Variants in DHX30 observed in about 807,000 individuals in gnomAD.
DHX30 encodes the protein DExH-box helicase 30.
In DHX30, 4 loss-of-function variants were observed where a neutral mutation model predicts 116.9. That is an observed-to-expected ratio of 0.03 (90% CI 0.02 to 0.08). The LOEUF (loss-of-function observed/expected upper bound fraction) is 0.08, where lower values mean the gene tolerates loss of function less well. Among genes scored for constraint, DHX30 ranks in the 10% least tolerant of loss-of-function variants. The pLI, the probability that DHX30 is intolerant of heterozygous loss-of-function variation, is 1.00. For synonymous variants in DHX30, 697 were observed against 651.7 expected, an observed-to-expected ratio of 1.07 and a Z score of -1.06; for missense variants, 871 against 1,595.1, an observed-to-expected ratio of 0.55 and a Z score of 7.73.
chr3:47,841,782 G>T, intron 8 of DHX30, 45 bp downstream of exon 8: 1 of 1,613,850 alleles, frequency 6.2e-7, no homozygotes, highest in African/African-American at 1.3e-5. Flanking sequence ...CGTTTACTTG[G>T]TCATGTCTGG....
chr3:47,804,025 A>T (rs2035414622), intron 1 of DHX30, among the ~76,000 whole-genome samples: 1 of 152,218 alleles, frequency 6.6e-6, no homozygotes, highest in East Asian at 1.9e-4. Context: ...GTTGCAGCTT[A>T]TGGGCCAGAG....
In DHX30 at chr3:47,850,187, C is replaced by T; in HGVS notation, c.*67C>T. Reference sequence around the variant, plus strand: ...ATTTAAAATAAAGTTCTATTTATCCCTTGTGACCACTGCTGTCCACTAGGG... The same window carrying T: ...ATTTAAAATAAAGTTCTATTTATCCTTTGTGACCACTGCTGTCCACTAGGG... On this transcript the variant is annotated 3_prime_UTR_variant, in exon 22 of 22. Coordinates refer to ENST00000445061, the MANE Select transcript of DHX30 (RefSeq NM_138615.3). 1.4e-6 allele frequency: 2 copies of T among 1,476,744 alleles called. No individual in the cohort carries two copies. Among genetic ancestry groups the T allele is most frequent in the Non-Finnish European group, 9.0e-7 (1 of 1,112,408 alleles). The allele number at this position is 1,476,744 out of a possible 1,614,324, so 91.5% of individuals were successfully genotyped here.
Position 47,828,117 on chromosome 3 carries a change from C to T in DHX30, c.255+640C>T, listed in dbSNP as rs964778344. Among the ~76,000 whole-genome samples, 10 of 151,902 alleles carry T rather than the reference C, an allele frequency of 6.6e-5. No individual in the cohort carries two copies. In the South Asian group the frequency reaches 2.1e-3, roughly 32 times the overall value. On this transcript the variant is annotated intron_variant, in intron 5 of 21. Transcript: ENST00000445061. ...TCAAGGGATCCTCCCTCCTCAGCCT[C>T]CCAAAATTGTGGGAGACACCACTGC...
chr3:47,847,751 C>T lies in DHX30; in HGVS notation c.2111-30C>T, dbSNP rs751565823. 1 of 1,603,876 alleles carries T rather than the reference C, an allele frequency of 6.2e-7. No homozygotes were observed. The highest frequency in any genetic ancestry group is 1.1e-5 in the South Asian group (1 of 90,078). On this transcript the variant is annotated intron_variant, in intron 13 of 21. Transcript: ENST00000445061. This position sits in a 1 kb window ranked among gnomAD's most constrained non-coding sequence, Gnocchi z 5.5. ...GGGGGGAATTCTGGTGGAAGCAGTG[C>T]CCATAACTGGTGTGTGTCTTGCCCA...
intron 9 of DHX30, among the ~76,000 whole-genome samples, chr3:47,843,681 A>G (rs1036828602): frequency 6.6e-6 from 1 of 152,160 alleles, no homozygotes; most frequent in Admixed American, 6.5e-5. Context: ...GGATCAAGGT[A>G]GAGACAGTGT....
rs2037699205 is a variant in DHX30 at position 47,848,126 on chromosome 3, G to A, written c.2287-54G>A. 7.5e-6 allele frequency: 12 copies of A among 1,605,956 alleles called. No individual in the cohort carries two copies. The highest frequency in any genetic ancestry group is 1.0e-5 in the Non-Finnish European group (12 of 1,174,102). On this transcript the variant is annotated intron_variant, in intron 14 of 21. Coordinates refer to ENST00000445061, the MANE Select transcript of DHX30 (RefSeq NM_138615.3). This position sits in a 1 kb window ranked among gnomAD's most constrained non-coding sequence, Gnocchi z 9.4. ...GCTGGTGAGGGTTACTCAGGGAGTG[G>A]GGAAGCACTGAGGAAGTGGCATTTG...
rs747490044 is a variant in DHX30, at chr3:47,849,208, C to T, written c.2946C>T (p.Phe982=). The change falls in exon 19 of 22, where the codon TTC becomes TTT. Residue 982 remains phenylalanine (F), a synonymous_variant. Transcript: ENST00000445061. ...LRFIHGLIKQ[F]SENIYEAFLV... ...TCTCCCTAGGACTCATCAAGCAGTT[C>T]TCAGAGAACATTTATGAGGCCTTCC... 2 of 1,614,060 alleles carry T rather than the reference C, an allele frequency of 1.2e-6. No individual in the cohort carries two copies. The highest frequency in any genetic ancestry group is 2.2e-5 in the East Asian group (1 of 44,884).
At chr3:47,835,252 C>T (rs573597714) in intron 6 of DHX30, among the ~76,000 whole-genome samples, 4 of 151,334 alleles carry the variant, frequency 2.6e-5, no homozygotes, top group African/African-American at 9.7e-5. Context: ...CAACTCACTG[C>T]AACCTCCGTC....
At chr3:47,813,628 T>C (rs549626161) in intron 3 of DHX30, among the ~76,000 whole-genome samples, 11 of 152,318 alleles carry the variant, frequency 7.2e-5, no homozygotes, top group Middle Eastern at 3.4e-3. Context: ...ATTTTACAAA[T>C]AAATAAGAAC....
chr3:47,833,537 C>CCAAA (rs1385861770), intron 6 of DHX30, among the ~76,000 whole-genome samples: 1 of 62,458 alleles, frequency 1.6e-5, no homozygotes, highest in Admixed American at 2.3e-4. Flanking sequence ...CTCTCTCTCT[C>CCAAA]AAAAAAAAAA....
intron 6 of DHX30, among the ~76,000 whole-genome samples, chr3:47,831,789 G>A (rs2107054404): frequency 6.6e-6 from 1 of 150,960 alleles, no homozygotes; most frequent in Middle Eastern, 3.4e-3. Flanking sequence ...AGGATGACAG[G>A]CATGAGCCAC....
rs1372001045 is a variant in DHX30 at position 47,846,865 on chromosome 3, G to A, written c.1793G>A (p.Arg598His). 14 of 1,612,464 alleles carry A rather than the reference G, an allele frequency of 8.7e-6. No individual in the cohort carries two copies. Among genetic ancestry groups the A allele is most frequent in the East Asian group, 2.2e-5 (1 of 44,862 alleles). The change falls in exon 11 of 22, where the codon CGC (arginine) becomes CAC (histidine). Residue 598 changes from arginine to histidine, a missense_variant. This residue lies in a region of DHX30 where 61 missense variants were observed against 106.7 expected (regional missense o/e 0.57). Transcript: ENST00000445061. ...VLMSATGDNE[R>H]FSRYFGGCPV... ...ATGAGTGCCACAGGGGACAATGAGCGCTTCTCCCGATACTTTGGTGGCTGC... is the reference window on the plus strand; with the variant it reads ...ATGAGTGCCACAGGGGACAATGAGCACTTCTCCCGATACTTTGGTGGCTGC...
chr3:47,843,398 C>A, intron 9 of DHX30, 143 bp downstream of exon 9: 1 of 1,166,638 alleles, frequency 8.6e-7, no homozygotes, highest in African/African-American at 1.5e-5. Flanking sequence ...GGTATGCAGG[C>A]CTCGCTTGTA....
chr3:47,845,767 G>C lies in DHX30; in HGVS notation c.1007G>C (p.Arg336Pro), dbSNP rs1416229407. ...THAMYNLASL[R>P]ELGETQRRPC... ...GCCATGTATAACCTGGCCTCTTTGCGTGAGCTGGGTGAGACCCAGCGCCGA... is the reference window on the plus strand; with the variant it reads ...GCCATGTATAACCTGGCCTCTTTGCCTGAGCTGGGTGAGACCCAGCGCCGA... The change falls in exon 10 of 22, where the codon CGT (arginine) becomes CCT (proline). Residue 336 changes from arginine to proline, a missense_variant. This residue lies in a region of DHX30 where 175 missense variants were observed against 292.9 expected (regional missense o/e 0.60). Transcript: ENST00000445061. The C allele has an allele frequency of 6.2e-7, 1 of 1,612,538 alleles. No individual in the cohort carries two copies. The highest frequency in any genetic ancestry group is 1.3e-5 in the African/African-American group (1 of 75,022).
intron 1 of DHX30, among the ~76,000 whole-genome samples, chr3:47,804,086 T>C (rs187299468): frequency 6.6e-6 from 1 of 152,350 alleles, no homozygotes; most frequent in East Asian, 1.9e-4. Flanking sequence ...TGCAAGGTGG[T>C]AACCCCACTG....
chr3:47,839,319 A>T (rs961493207), intron 6 of DHX30, among the ~76,000 whole-genome samples: 1 of 85,626 alleles, frequency 1.2e-5, no homozygotes, highest in East Asian at 3.1e-4. Context: ...GTTTCGCCGG[A>T]GGTTTGCTCT....
rs753692624 is a variant in DHX30 at position 47,849,938 on chromosome 3, G to A, written c.3403G>A (p.Val1135Met). ...LLRLEGDSRTVRLLKELRRAL... is the reference protein window; with the variant it reads ...LLRLEGDSRTMRLLKELRRAL... ...GCGGCTGGAGGGTGACTCGCGTACCGTGCGGCTGCTGAAGGAGCTGCGGCG... is the reference window on the plus strand; with the variant it reads ...GCGGCTGGAGGGTGACTCGCGTACCATGCGGCTGCTGAAGGAGCTGCGGCG... Residue 1135 changes from valine (V) to methionine (M), a missense_variant, in exon 22 of 22, where the codon GTG becomes ATG. Val to Met is a conservative substitution (Grantham distance 21). Coordinates refer to ENST00000445061, the MANE Select transcript of DHX30 (RefSeq NM_138615.3). 66 of 1,613,116 alleles carry A rather than the reference G, an allele frequency of 4.1e-5. 1 individual carries two copies. Among genetic ancestry groups the A allele is most frequent in the Middle Eastern group, 1.6e-4 (1 of 6,084 alleles).
intron 6 of DHX30, among the ~76,000 whole-genome samples, chr3:47,833,557 A>AG (rs1326865830): frequency 6.7e-6 from 1 of 149,326 alleles, no homozygotes; most frequent in African/African-American, 2.5e-5. Flanking sequence ...AAAAAAAAAA[A>AG]AGAAAGAGCA....
Position 47,840,899 on chromosome 3 carries a change from G to A in DHX30, c.389G>A (p.Arg130Gln), listed in dbSNP as rs2037343762. The A allele has an allele frequency of 1.9e-6, 3 of 1,614,170 alleles. No homozygotes were observed. Among genetic ancestry groups the A allele is most frequent in the Non-Finnish European group, 2.5e-6 (3 of 1,180,038 alleles). The change falls in exon 7 of 22, where the codon CGG becomes CAG. Residue 130 changes from arginine to glutamine, a missense_variant. By Grantham distance (43) the Arg-to-Gln change is conservative. This residue lies in a region of DHX30 where 66 missense variants were observed against 153.9 expected (regional missense o/e 0.43). Transcript: ENST00000445061. Reference protein sequence around the residue: ...LFKGWGLLGPRNELFDAAKYR... With the variant: ...LFKGWGLLGPQNELFDAAKYR... ...CAGGGTTGGGGTCTGCTAGGTCCCC[G>A]GAATGAGTTGTTTGACGCAGCCAAA...
Sources: allele counts gnomAD v4.1 joint callset (sites outside exome capture counted in the v4.1 genomes callset), GRCh38; gene constraint gnomAD v4.1.1; regional missense constraint gnomAD v4.1.1; non-coding constraint Gnocchi (gnomAD v3.1); transcripts MANE v1.5; gene names NCBI Gene and HGNC (gene_info 2026-07-23, HGNC 2026-07-21).